PIP4K2A: variants seen among roughly 807,000 people sequenced by gnomAD.
PIP4K2A encodes phosphatidylinositol 5-phosphate 4-kinase type-2 alpha.
In PIP4K2A, 14 loss-of-function variants were observed where a neutral mutation model predicts 42.9. That is an observed-to-expected ratio of 0.33 (90% CI 0.22 to 0.51). The LOEUF (loss-of-function observed/expected upper bound fraction) is 0.51, where lower values mean the gene tolerates loss of function less well. Ranked by LOEUF, PIP4K2A falls within the 20% of genes least tolerant of loss-of-function variation. The probability of loss-of-function intolerance (pLI) is 0.97; values close to 1 mark genes in which losing one functional copy is unlikely to be tolerated. For synonymous variants in PIP4K2A, 192 were observed against 192.2 expected, an observed-to-expected ratio of 1.00 and a Z score of 0.01; for missense variants, 434 against 519.8, an observed-to-expected ratio of 0.83 and a Z score of 1.61.
intron 3 of PIP4K2A, among the ~76,000 whole-genome samples, chr10:22,594,729 C>T (rs1301357758): frequency 2.0e-5 from 3 of 152,126 alleles, no homozygotes; most frequent in Admixed American, 1.3e-4. Context: ...GGGCTGGAAA[C>T]GTAAAAGCAA....
chr10:22,668,511 T>C (rs901485396), intron 1 of PIP4K2A, among the ~76,000 whole-genome samples: 4 of 152,170 alleles, frequency 2.6e-5, no homozygotes, highest in Admixed American at 6.5e-5. Context: ...AAACCCTTCA[T>C]TGGCTTACAG....
chr10:22,600,279 G>T (rs1837729273), intron 3 of PIP4K2A, among the ~76,000 whole-genome samples: 1 of 151,898 alleles, frequency 6.6e-6, no homozygotes, highest in South Asian at 2.1e-4. Flanking sequence ...TTGGTTGAAA[G>T]AGGGGCCACT....
At chr10:22,613,473 T>C (rs1230412040) in intron 1 of PIP4K2A, among the ~76,000 whole-genome samples, 1 of 151,888 alleles carries the variant, frequency 6.6e-6, no homozygotes, top group South Asian at 2.1e-4. Context: ...GGAAAAGAGA[T>C]AGGTGTCATG....
rs1051935570 is a variant in PIP4K2A at position 22,672,609 on chromosome 10, A to G, written c.144+41574T>C. Among the ~76,000 whole-genome samples, 102 of 152,278 alleles carry G rather than the reference A, an allele frequency of 6.7e-4. No homozygotes were observed. The Middle Eastern group carries it at 0.01, about 15-fold the overall frequency. Reference sequence around the variant, plus strand: ...CATGGGAGCTGGTGAAGGGTCAGAGAAAAGAGAAATGAATATTTACGTCCA... The same window carrying G: ...CATGGGAGCTGGTGAAGGGTCAGAGGAAAGAGAAATGAATATTTACGTCCA... On this transcript the variant is annotated intron_variant, in intron 1 of 9. Transcript: ENST00000376573.
chr10:22,664,228 T>TATACACACAC (rs1554807358), intron 1 of PIP4K2A, among the ~76,000 whole-genome samples: 2 of 89,886 alleles, frequency 2.2e-5, no homozygotes, highest in African/African-American at 1.2e-4. Flanking sequence ...CATATATATA[T>TATACACACAC]ACACACACAC....
At chr10:22,561,997 G>C (rs1248555157) in intron 6 of PIP4K2A, among the ~76,000 whole-genome samples, 3 of 152,112 alleles carry the variant, frequency 2.0e-5, no homozygotes, top group Non-Finnish European at 4.4e-5. Flanking sequence ...AGTGTTTTTA[G>C]CCTTCCCCAA....
At chr10:22,544,664 G>A (rs549820924) in intron 7 of PIP4K2A, among the ~76,000 whole-genome samples, 4 of 152,314 alleles carry the variant, frequency 2.6e-5, no homozygotes, top group South Asian at 2.1e-4. Context: ...CTCTGCAAAG[G>A]GCAGAAGTTT....
At chr10:22,687,890 G>A (rs1349609853) in intron 1 of PIP4K2A, among the ~76,000 whole-genome samples, 1 of 152,110 alleles carries the variant, frequency 6.6e-6, no homozygotes, top group African/African-American at 2.4e-5. Context: ...GGAACATGCA[G>A]ATACAAAGGG....
At chr10:22,571,253 A>G (rs1836980968) in intron 5 of PIP4K2A, among the ~76,000 whole-genome samples, 1 of 152,234 alleles carries the variant, frequency 6.6e-6, no homozygotes, top group South Asian at 2.1e-4. Flanking sequence ...GATGTTTGCT[A>G]CAAAATGAAT....
At chr10:22,706,784 T>A (rs749237256) in intron 1 of PIP4K2A, among the ~76,000 whole-genome samples, 21 of 152,028 alleles carry the variant, frequency 1.4e-4, no homozygotes. Flanking sequence ...AGTGGAAGTG[T>A]GAAAAATACA....
chr10:22,546,469 T>C (rs1387271296), intron 7 of PIP4K2A, among the ~76,000 whole-genome samples: 2 of 152,138 alleles, frequency 1.3e-5, no homozygotes, highest in Non-Finnish European at 2.9e-5. Flanking sequence ...TGGAGTGCAG[T>C]GGTGTGATCA....
intron 1 of PIP4K2A, among the ~76,000 whole-genome samples, chr10:22,700,614 C>T (rs954453668): frequency 7.2e-5 from 11 of 152,174 alleles, no homozygotes; most frequent in Non-Finnish European, 1.5e-4. Flanking sequence ...CTAATGCAGC[C>T]CCTTGCTATG....
At chr10:22,599,790 A>T (rs1027481409) in intron 3 of PIP4K2A, among the ~76,000 whole-genome samples, 4 of 152,192 alleles carry the variant, frequency 2.6e-5, no homozygotes, top group African/African-American at 7.2e-5. Context: ...TCAAACCACA[A>T]AAGCTGTTTG....
rs369777883 is a variant in PIP4K2A, at chr10:22,572,645, A to G, written c.639+666T>C. ...GAAAAGAAAAAAAAGTCCCTCAAGT[A>G]GGATTTGGAATTCAGGAAAGTCATA... On this transcript the variant is annotated intron_variant, in intron 5 of 9. Transcript: ENST00000376573. 1.4e-4 allele frequency among the ~76,000 whole-genome samples: 21 copies of G among 152,226 alleles called. No homozygotes were observed. The East Asian group carries it at 2.9e-3, about 21-fold the overall frequency.
At chr10:22,667,995 A>T in intron 1 of PIP4K2A, among the ~76,000 whole-genome samples, 1 of 151,862 alleles carries the variant, frequency 6.6e-6, no homozygotes, top group Non-Finnish European at 1.5e-5. Context: ...TCTATCACCC[A>T]GGCTGGACTG....
At chr10:22,591,352 T>G (rs1837506455) in intron 4 of PIP4K2A, among the ~76,000 whole-genome samples, 1 of 152,230 alleles carries the variant, frequency 6.6e-6, no homozygotes, top group South Asian at 2.1e-4. Context: ...TGAATGATTT[T>G]AAAATCAGAG....
At chr10:22,625,559 C>T (rs1838420512) in intron 1 of PIP4K2A, among the ~76,000 whole-genome samples, 1 of 152,176 alleles carries the variant, frequency 6.6e-6, no homozygotes, top group Non-Finnish European at 1.5e-5. Context: ...TATCTTTATG[C>T]ATCTATTACC....
chr10:22,629,054 ACT>A (rs1350542079), intron 1 of PIP4K2A, among the ~76,000 whole-genome samples: 1 of 151,776 alleles, frequency 6.6e-6, no homozygotes, highest in African/African-American at 2.4e-5. Flanking sequence ...GGTTTACATA[ACT>A]CTCCTTGCTA....
rs915821545 is a variant in PIP4K2A at position 22,595,676 on chromosome 10, G to C, written c.340-3895C>G. On this transcript the variant is annotated intron_variant, in intron 3 of 9. Transcript: ENST00000376573. ...GGAGGCTGAGGCACGAGAATTGTTT[G>C]AACCTGGGAGGCAGAGATTGCAATG... Among the ~76,000 whole-genome samples, 4 of 152,126 alleles carry C rather than the reference G, an allele frequency of 2.6e-5. No homozygotes were observed. The South Asian group carries it at 8.3e-4, about 32-fold the overall frequency.
Sources: allele counts gnomAD v4.1 joint callset (sites outside exome capture counted in the v4.1 genomes callset), GRCh38; gene constraint gnomAD v4.1.1; transcripts MANE v1.5; gene names NCBI Gene and HGNC (gene_info 2026-07-23, HGNC 2026-07-21).